Variants in WLS observed in about 807,000 individuals in gnomAD.
WLS encodes the protein Wnt ligand secretion mediator, also known as protein wntless homolog.
A neutral mutation model predicts 62.8 loss-of-function variants in WLS; 23 were observed. The observed-to-expected ratio is 0.37, with a 90% CI of 0.26 to 0.52. The LOEUF (loss-of-function observed/expected upper bound fraction) is 0.52. Among genes scored for constraint, WLS ranks in the 20% least tolerant of loss-of-function variants. WLS has a pLI of 0.92. For synonymous variants in WLS, 246 were observed against 244.1 expected, an observed-to-expected ratio of 1.01 and a Z score of -0.07; for missense variants, 615 against 697.3, an observed-to-expected ratio of 0.88 and a Z score of 1.33.
At chr1:68,159,291 G>A (rs201497706) in intron 2 of WLS, 44 bp from the exon 3 acceptor site, 15 of 1,591,576 alleles carry the variant, frequency 9.4e-6, no homozygotes, top group Non-Finnish European at 1.3e-5. Flanking sequence ...CTTTTGGAAA[G>A]ATATTTTAGA....
chr1:68,140,353 G>A (rs942939990), intron 10 of WLS, among the ~76,000 whole-genome samples: 11 of 152,182 alleles, frequency 7.2e-5, no homozygotes, highest in Admixed American at 4.6e-4. Context: ...ATGAGGCAAC[G>A]ACTATGTAAG....
chr1:68,168,738 A>G (rs1320567601), intron 2 of WLS, among the ~76,000 whole-genome samples: 1 of 152,208 alleles, frequency 6.6e-6, no homozygotes. Flanking sequence ...TGTTTGGGTA[A>G]CCTCAGAAAG....
rs186208770 is a variant in WLS at position 68,178,730 on chromosome 1, G to T, written c.379+15225C>A. ...CAAAAAAAAAAAAAAGAAAAGAAAA[G>T]AGAAAACTAAACAAAAGAGGGTTAT... On this transcript the variant is annotated intron_variant, in intron 2 of 11. Transcript: ENST00000262348. Among the ~76,000 whole-genome samples, 496 of 147,724 alleles carry T rather than the reference G, an allele frequency of 3.4e-3. 2 individuals are homozygous for T. Among genetic ancestry groups the T allele is most frequent in the Non-Finnish European group, 5.7e-3 (382 of 66,902 alleles).
intron 2 of WLS, among the ~76,000 whole-genome samples, chr1:68,164,929 C>T (rs1647039089): frequency 6.6e-6 from 1 of 152,186 alleles, no homozygotes; most frequent in Non-Finnish European, 1.5e-5. Flanking sequence ...TTGGCAGAAA[C>T]AATGTTCAGA....
At chr1:68,129,684 G>A (rs925162299) in intron 11 of WLS, among the ~76,000 whole-genome samples, 1 of 152,180 alleles carries the variant, frequency 6.6e-6, no homozygotes, top group Non-Finnish European at 1.5e-5. Context: ...CACGAGTGGA[G>A]ATCCCTCCAC....
At chr1:68,147,759 T>A (rs146905429) in intron 8 of WLS, among the ~76,000 whole-genome samples, 3 of 152,240 alleles carry the variant, frequency 2.0e-5, no homozygotes, top group Middle Eastern at 6.8e-3. Context: ...CACACATAGG[T>A]GGTTTCAGAA....
intron 2 of WLS, among the ~76,000 whole-genome samples, chr1:68,182,970 G>C (rs1053641921): frequency 6.6e-6 from 1 of 152,072 alleles, no homozygotes; most frequent in South Asian, 2.1e-4. Context: ...GTGCGATCTC[G>C]GCTTGCTGCA....
chr1:68,162,164 A>G, intron 2 of WLS: 3 of 1,458,978 alleles, frequency 2.1e-6, no homozygotes, highest in African/African-American at 1.4e-5. Flanking sequence ...GCATCTTTCA[A>G]CGGACCCTGA....
At chr1:68,103,811 G>T (rs1378625709) in intron 11 of WLS, among the ~76,000 whole-genome samples, 1 of 152,152 alleles carries the variant, frequency 6.6e-6, no homozygotes, top group Non-Finnish European at 1.5e-5. Flanking sequence ...TGCTGCTTGG[G>T]CACTGCCAAA....
intron 11 of WLS, among the ~76,000 whole-genome samples, chr1:68,110,560 C>A (rs990853659): frequency 1.3e-5 from 2 of 151,882 alleles, no homozygotes; most frequent in Admixed American, 6.6e-5. Context: ...GATTGCAAGC[C>A]TTATTAAAAA....
At chr1:68,173,973 C>G (rs1647192605) in intron 2 of WLS, among the ~76,000 whole-genome samples, 1 of 152,164 alleles carries the variant, frequency 6.6e-6, no homozygotes, top group Non-Finnish European at 1.5e-5. Context: ...AAACATGCAT[C>G]ATTAAGGGGC....
At chr1:68,218,821 A>G (rs1649836098) in intron 1 of WLS, among the ~76,000 whole-genome samples, 1 of 152,256 alleles carries the variant, frequency 6.6e-6, no homozygotes, top group Non-Finnish European at 1.5e-5. Flanking sequence ...AGTGGAATGC[A>G]GAGGTAGTTA....
At chr1:68,116,272 G>A (rs1375757657) in intron 11 of WLS, among the ~76,000 whole-genome samples, 2 of 152,172 alleles carry the variant, frequency 1.3e-5, no homozygotes, top group East Asian at 3.8e-4. Flanking sequence ...AATCAGCAGG[G>A]CCCGTGTAAG....
At chr1:68,127,616 G>T (rs1318214128) in intron 11 of WLS, among the ~76,000 whole-genome samples, 1 of 152,216 alleles carries the variant, frequency 6.6e-6, no homozygotes, top group Non-Finnish European at 1.5e-5. Context: ...GTGGAGAGGG[G>T]TGCTGGGGAA....
intron 1 of WLS, among the ~76,000 whole-genome samples, chr1:68,213,771 C>G (rs1649617285): frequency 1.3e-5 from 2 of 152,216 alleles, no homozygotes; most frequent in South Asian, 4.1e-4. Flanking sequence ...TGGATCTTGT[C>G]TTCCCAAATT....
intron 2 of WLS, among the ~76,000 whole-genome samples, chr1:68,175,012 C>T (rs555761990): frequency 6.6e-6 from 1 of 152,190 alleles, no homozygotes; most frequent in Non-Finnish European, 1.5e-5. Context: ...CATCCATGAG[C>T]TTTATGTCCT....
chr1:68,128,540 A>G (rs1557460596), intron 11 of WLS, among the ~76,000 whole-genome samples: 5 of 152,226 alleles, frequency 3.3e-5, no homozygotes, highest in Admixed American at 1.3e-4. Flanking sequence ...AGGACTTCTT[A>G]GAAATAGATG....
chr1:68,229,703 T>C (rs1296097981), intron 1 of WLS, among the ~76,000 whole-genome samples: 2 of 148,050 alleles, frequency 1.4e-5, no homozygotes, highest in African/African-American at 2.5e-5. Context: ...ACCCAAATTT[T>C]AGATTTAAGA....
chr1:68,106,979 A>G (rs1375614164), intron 11 of WLS, among the ~76,000 whole-genome samples: 2 of 152,184 alleles, frequency 1.3e-5, no homozygotes, highest in African/African-American at 4.8e-5. Context: ...TGTATATTCC[A>G]ATGTTTTCTG....
Sources: gnomAD v4.1 joint callset for allele counts (sites outside exome capture counted in the v4.1 genomes callset) on GRCh38, gnomAD v4.1.1 for gene constraint, MANE v1.5 for transcripts, NCBI Gene and HGNC (gene_info 2026-07-23, HGNC 2026-07-21) for gene names.